Variants in ARHGAP5 observed in about 807,000 individuals in gnomAD.
The protein encoded by ARHGAP5 is rho GTPase-activating protein 5.
In ARHGAP5, 23 loss-of-function variants were observed where a neutral mutation model predicts 116.6. That is an observed-to-expected ratio of 0.20 (90% confidence interval 0.14 to 0.28). ARHGAP5 has a LOEUF of 0.28. ARHGAP5 is among the 10% of genes least tolerant of loss of function. The probability of loss-of-function intolerance (pLI) is 1.00; values close to 1 mark genes in which losing one functional copy is unlikely to be tolerated. For synonymous variants in ARHGAP5, 574 were observed against 602.0 expected (o/e 0.95, Z 0.68); for missense variants, 1,405 against 1,774.8 (o/e 0.79, Z 3.74).
At chr14:32,111,511 A>G (rs1594362244) in intron 2 of ARHGAP5, among the ~76,000 whole-genome samples, 1 of 152,186 alleles carries the variant, frequency 6.6e-6, no homozygotes, top group Non-Finnish European at 1.5e-5. Context: ...TTTGAGGGTG[A>G]TAACTAATTT....
Position 32,090,456 on chromosome 14 carries a change from A to G in ARHGAP5, c.-168-46A>G. ...AAACATCTTTATTGTAATTCAGTGT[A>G]TGTAATTTGTGATTAAGATTTGTTC... On this transcript the variant is annotated intron_variant, in intron 1 of 6. Coordinates refer to ENST00000345122, the MANE Select transcript of ARHGAP5 (RefSeq NM_001030055.2). 4 of 501,766 alleles carry G rather than the reference A, an allele frequency of 8.0e-6. No homozygotes were observed. The South Asian group carries it at 1.6e-4, about 20-fold the overall frequency. 31.1% of individuals were successfully genotyped at this position (501,766 alleles called of 1,614,324 possible).
chr14:32,091,383 T>C lies in ARHGAP5; in HGVS notation c.714T>C (p.Cys238=). ...SARFNVNIET[C]FTALVQMLDK... is the part of the protein sequence containing the mutation. ...GATTTAATGTCAACATTGAAACATG[T>C]TTTACTGCACTGGTACAAATGTTGG... Residue 238 remains cysteine (C), a synonymous_variant, in exon 2 of 7, where the codon TGT becomes TGC. Coordinates refer to ENST00000345122, the MANE Select transcript of ARHGAP5 (RefSeq NM_001030055.2). 6.2e-7 allele frequency: 1 copy of C among 1,611,740 alleles called. No individual in the cohort carries two copies.
chr14:32,092,023 G>A lies in ARHGAP5; in HGVS notation c.1354G>A (p.Glu452Lys), dbSNP rs1246428817. ...CATTTCACCAGGGCAGCCATGGGAG[G>A]AAGTTATGTGCTTTGTTATGGAGGA... ...QFISPGQPWE[E>K]VMCFVMEDEA... The change falls in exon 2 of 7, where the codon GAA becomes AAA. Residue 452 changes from glutamate to lysine, a missense_variant. Coordinates refer to ENST00000345122, the MANE Select transcript of ARHGAP5 (RefSeq NM_001030055.2). The surrounding 1 kb of genome is among the most constrained non-coding windows in gnomAD (Gnocchi z 4.1). 4 of 1,613,612 alleles carry A rather than the reference G, an allele frequency of 2.5e-6. No individual in the cohort carries two copies. Among genetic ancestry groups the A allele is most frequent in the Non-Finnish European group, 3.4e-6 (4 of 1,179,752 alleles).
At chr14:32,137,276 C>G (rs1880852701) in intron 3 of ARHGAP5, among the ~76,000 whole-genome samples, 1 of 148,910 alleles carries the variant, frequency 6.7e-6, no homozygotes, top group South Asian at 2.2e-4. Context: ...TAAATTCGTT[C>G]TTAAGCATGT....
chr14:32,146,394 G>C, intron 4 of ARHGAP5, 54 bp downstream of exon 4: 1 of 1,279,718 alleles, frequency 7.8e-7, no homozygotes, highest in Non-Finnish European at 1.1e-6. Flanking sequence ...TTCCTTGTTA[G>C]AATTCATGGT....
chr14:32,083,129 G>A (rs930752920), intron 1 of ARHGAP5, among the ~76,000 whole-genome samples: 7 of 152,226 alleles, frequency 4.6e-5, no homozygotes, highest in Non-Finnish European at 7.3e-5. Flanking sequence ...ATTTTTTAAG[G>A]TTCACTCAAA....
At chr14:32,148,204 A>ATCTG in intron 4 of ARHGAP5, among the ~76,000 whole-genome samples, 1 of 151,668 alleles carries the variant, frequency 6.6e-6, no homozygotes, top group East Asian at 1.9e-4. Flanking sequence ...CTATCTATCT[A>ATCTG]TCTATCTATG....
chr14:32,152,773 A>G (rs536499477), intron 6 of ARHGAP5, among the ~76,000 whole-genome samples: 2 of 152,260 alleles, frequency 1.3e-5, no homozygotes, highest in South Asian at 2.1e-4. Flanking sequence ...AAAATCTTAG[A>G]ATTTTAGATA....
chr14:32,086,551 C>T (rs879329965), intron 1 of ARHGAP5, among the ~76,000 whole-genome samples: 3 of 150,372 alleles, frequency 2.0e-5, no homozygotes, highest in Non-Finnish European at 2.9e-5. Flanking sequence ...AAAGATAGGA[C>T]CATTAGGAAT....
intron 2 of ARHGAP5, among the ~76,000 whole-genome samples, chr14:32,115,828 A>AT (rs1555357310): frequency 1.2e-3 from 174 of 148,182 alleles, no homozygotes; most frequent in African/African-American, 4.1e-3. Flanking sequence ...AAAAAAAAAA[A>AT]TTAGCTGGGC....
chr14:32,152,839 T>G (rs941966639), intron 6 of ARHGAP5, among the ~76,000 whole-genome samples: 10 of 152,080 alleles, frequency 6.6e-5, no homozygotes, highest in Non-Finnish European at 1.2e-4. Context: ...GGAACAGGGT[T>G]TGGTTTGAAA....
At position 32,122,457 on chromosome 14, in the gene ARHGAP5, G is replaced by T. The variant is rs959003025; in HGVS notation, c.3865+5170G>T. Among the ~76,000 whole-genome samples the T allele has an allele frequency of 3.3e-5, 5 of 151,958 alleles. No individual in the cohort carries two copies. In the South Asian group the frequency reaches 1.0e-3, roughly 32 times the overall value. On this transcript the variant is annotated intron_variant, in intron 3 of 6. Transcript: ENST00000345122. Reference sequence around the variant, plus strand: ...TTGCTAAAATATTCTCCATTCTGTGGGTCATTTTTTACAACTTCTTGAAGA... The same window carrying T: ...TTGCTAAAATATTCTCCATTCTGTGTGTCATTTTTTACAACTTCTTGAAGA...
At chr14:32,141,907 A>G (rs559894253) in intron 3 of ARHGAP5, among the ~76,000 whole-genome samples, 1 of 152,204 alleles carries the variant, frequency 6.6e-6, no homozygotes, top group East Asian at 1.9e-4. Flanking sequence ...CTTATATGTG[A>G]CAGTTGCTTC....
rs771660350 is a variant in ARHGAP5, at chr14:32,153,406, C to CAAAAAAA, written c.4181+912_4181+918dup. Among the ~76,000 whole-genome samples, 28 of 15,158 alleles carry CAAAAAAA rather than the reference C, an allele frequency of 1.8e-3. 4 individuals are homozygous for CAAAAAAA. Among genetic ancestry groups the CAAAAAAA allele is most frequent in the Non-Finnish European group, 2.9e-3 (20 of 6,960 alleles). The allele number at this position is 15,158 out of a possible 152,430, so 9.9% of individuals were successfully genotyped here. ...TGGCCAACAGAGCAAGACTCTGTCT[C>CAAAAAAA]AAAAAAAAAAAAAAAAAAAAAAAAA... On this transcript the variant is annotated intron_variant, in intron 6 of 6. Coordinates refer to ENST00000345122, the MANE Select transcript of ARHGAP5 (RefSeq NM_001030055.2).
At chr14:32,105,100 C>A (rs549327239) in intron 2 of ARHGAP5, among the ~76,000 whole-genome samples, 1 of 152,052 alleles carries the variant, frequency 6.6e-6, no homozygotes, top group Non-Finnish European at 1.5e-5. Flanking sequence ...AGTTGAGAAA[C>A]CCTGGTGTAG....
rs922800389 is a variant in ARHGAP5, at chr14:32,159,661, C to T, written c.*4713C>T. ...TTTTACCAGCTTTAACTTTGGGGCT[C>T]TTAGTTTCTTTTCTCCAGATTCTTG... is the stretch of plus-strand genomic sequence containing the variant. On this transcript the variant is annotated 3_prime_UTR_variant, in exon 7 of 7. Coordinates refer to ENST00000345122, the MANE Select transcript of ARHGAP5 (RefSeq NM_001030055.2). The T allele has an allele frequency of 1.3e-5, 2 of 152,086 alleles. No homozygotes were observed. Among genetic ancestry groups the T allele is most frequent in the Admixed American group, 6.6e-5 (1 of 15,254 alleles). 9.4% of individuals were successfully genotyped at this position (152,086 alleles called of 1,614,324 possible). A position where few individuals can be genotyped will look rare whatever the true frequency, so the allele number is the denominator to read the frequency against.
At chr14:32,079,357 T>C (rs979172494) in intron 1 of ARHGAP5, among the ~76,000 whole-genome samples, 3 of 152,202 alleles carry the variant, frequency 2.0e-5, no homozygotes, top group Admixed American at 1.3e-4. Context: ...AATTCTGTTA[T>C]CTTTATGAGT....
chr14:32,087,093 A>G (rs998052497), intron 1 of ARHGAP5, among the ~76,000 whole-genome samples: 8 of 152,126 alleles, frequency 5.3e-5, no homozygotes, highest in Admixed American at 5.2e-4. Context: ...TGACATAGAT[A>G]TTAAGACTGA....
At chr14:32,116,790 A>G (rs745729391) in intron 2 of ARHGAP5, among the ~76,000 whole-genome samples, 5 of 152,222 alleles carry the variant, frequency 3.3e-5, no homozygotes, top group Admixed American at 6.5e-5. Context: ...AAGAGACCAA[A>G]TGAAATTAAT....
Sources: gnomAD v4.1 joint callset for allele counts (sites outside exome capture counted in the v4.1 genomes callset) on GRCh38, gnomAD v4.1.1 for gene constraint, Gnocchi (gnomAD v3.1) non-coding constraint, MANE v1.5 for transcripts, NCBI Gene and HGNC (gene_info 2026-07-23, HGNC 2026-07-21) for gene names.